The following FBN2 variants were observed in gnomAD, a reference collection of about 807,000 sequenced individuals.
FBN2 encodes the protein fibrillin-2.
Under a neutral mutation model 355.6 loss-of-function variants are expected in FBN2, and 105 were observed. That is an observed-to-expected ratio of 0.30 (90% CI 0.25 to 0.35). The LOEUF is 0.35. Among genes scored for constraint, FBN2 ranks in the 10% least tolerant of loss-of-function variants. The pLI is 1.00. For synonymous variants in FBN2, 1,350 were observed against 1,301.2 expected, an observed-to-expected ratio of 1.04 and a Z score of -0.81; for missense variants, 3,280 against 3,758.7, an observed-to-expected ratio of 0.87 and a Z score of 3.33.
At chr5:128,293,883 A>T (rs993552788) in intron 48 of FBN2, among the ~76,000 whole-genome samples, 2 of 152,116 alleles carry the variant, frequency 1.3e-5, no homozygotes, top group Admixed American at 6.5e-5. Flanking sequence ...CATGTGCACA[A>T]TGTGCAGGTT....
intron 32 of FBN2, among the ~76,000 whole-genome samples, chr5:128,332,157 G>T (rs1750711052): frequency 6.6e-6 from 1 of 152,182 alleles, no homozygotes; most frequent in East Asian, 1.9e-4. Flanking sequence ...AGATCTTAAA[G>T]CTATTCTTTA....
rs1244552746 is a variant in FBN2, at chr5:128,278,980, G to T, written c.7139-139C>A. 1.1e-5 allele frequency: 8 copies of T among 749,436 alleles called. No homozygotes were observed. The Admixed American group carries it at 1.4e-4, about 13-fold the overall frequency. 46.4% of individuals were successfully genotyped at this position (749,436 alleles called of 1,614,324 possible). A position where few individuals can be genotyped will look rare whatever the true frequency, so the allele number is the denominator to read the frequency against. On this transcript the variant is annotated intron_variant, in intron 56 of 64. Coordinates refer to ENST00000262464, the MANE Select transcript of FBN2 (RefSeq NM_001999.4). The stretch of plus-strand genomic sequence containing the variant: ...TTAATGTCTTAATTATTTAAGTTTT[G>T]CTGGCAGTTAAGTTCATAGCATATT...
At chr5:128,462,886 G>T (rs1358244846) in intron 6 of FBN2, among the ~76,000 whole-genome samples, 2 of 151,994 alleles carry the variant, frequency 1.3e-5, no homozygotes, top group Non-Finnish European at 2.9e-5. Flanking sequence ...TAATTCAAAA[G>T]GTATTTGCTG....
chr5:128,375,012 T>C (rs565670780), intron 14 of FBN2, among the ~76,000 whole-genome samples: 2 of 152,218 alleles, frequency 1.3e-5, no homozygotes, highest in Non-Finnish European at 2.9e-5. Flanking sequence ...CATTTAACGC[T>C]AAATAATTCA....
intron 62 of FBN2, 142 bp downstream of exon 62, chr5:128,271,857 C>T (rs1357681535): frequency 1.1e-6 from 1 of 934,814 alleles, no homozygotes; most frequent in Admixed American, 1.8e-5. Context: ...GAATGAGTCC[C>T]CATGCATCAG....
intron 5 of FBN2, among the ~76,000 whole-genome samples, chr5:128,513,619 A>T (rs537246466): frequency 6.6e-6 from 1 of 152,224 alleles, no homozygotes; most frequent in African/African-American, 2.4e-5. Flanking sequence ...TATTTTACAG[A>T]TCTAAACAGC....
intron 8 of FBN2, among the ~76,000 whole-genome samples, chr5:128,401,678 G>A (rs942016412): frequency 3.3e-5 from 5 of 152,048 alleles, no homozygotes; most frequent in African/African-American, 4.8e-5. Context: ...CTACTTGGAA[G>A]GCTGAGGCAG....
intron 5 of FBN2, among the ~76,000 whole-genome samples, chr5:128,507,952 T>C (rs1228657003): frequency 6.6e-6 from 1 of 152,070 alleles, no homozygotes; most frequent in Non-Finnish European, 1.5e-5. Context: ...AGCTATGCTA[T>C]TAAGTGAGAG....
At chr5:128,266,302 T>A (rs1765112383) in intron 62 of FBN2, among the ~76,000 whole-genome samples, 2 of 152,190 alleles carry the variant, frequency 1.3e-5, no homozygotes, top group Admixed American at 6.5e-5. Context: ...TTTAGTAGAA[T>A]AAGCTTACAA....
intron 5 of FBN2, among the ~76,000 whole-genome samples, chr5:128,467,319 A>G (rs1049826680): frequency 1.8e-4 from 28 of 152,228 alleles, no homozygotes; most frequent in African/African-American, 6.3e-4. Flanking sequence ...TTTTGCTTAC[A>G]TTTTACTCCT....
chr5:128,454,688 G>C (rs1754337749), intron 6 of FBN2, among the ~76,000 whole-genome samples: 1 of 152,154 alleles, frequency 6.6e-6, no homozygotes, highest in Non-Finnish European at 1.5e-5. Context: ...TATGTTTCTG[G>C]TGCACTAACG....
intron 62 of FBN2, among the ~76,000 whole-genome samples, chr5:128,264,236 T>G (rs1285302034): frequency 6.6e-6 from 1 of 152,140 alleles, no homozygotes; most frequent in East Asian, 1.9e-4. Context: ...CCCCAGCAAT[T>G]CCCCAAACCT....
chr5:128,349,969 C>A lies in FBN2; in HGVS notation c.2849G>T (p.Gly950Val). The A allele has an allele frequency of 6.2e-7, 1 of 1,613,766 alleles. No homozygotes were observed. The highest frequency in any genetic ancestry group is 8.5e-7 in the Non-Finnish European group (1 of 1,179,624). Residue 950 changes from glycine (G) to valine (V), a missense_variant, in exon 22 of 65, where the codon GGT becomes GTT. Physicochemically the swap from Gly to Val is moderately radical, Grantham distance 109 (BLOSUM62 -3). Around this residue, in one of 6 missense-constraint regions of FBN2, gnomAD observed 2,284 missense variants for 2,749.5 expected, o/e 0.83. Coordinates refer to ENST00000262464, the MANE Select transcript of FBN2 (RefSeq NM_001999.4). ...GATACACTCACCTTCACACGTAACA[C>A]CTTTAATCCTGGCAAGCCCTCTTGG... Reference protein sequence around the residue: ...ACPRGLARIKGVTCEDVNECE... With the variant: ...ACPRGLARIKVVTCEDVNECE...
chr5:128,434,491 G>C (rs1345687038), intron 7 of FBN2, among the ~76,000 whole-genome samples: 4 of 145,942 alleles, frequency 2.7e-5, no homozygotes. Context: ...TTCAAGTTTT[G>C]TTACATTTTT....
chr5:128,495,792 A>G (rs1354462058), intron 5 of FBN2, among the ~76,000 whole-genome samples: 1 of 152,120 alleles, frequency 6.6e-6, no homozygotes, highest in Non-Finnish European at 1.5e-5. Flanking sequence ...CAAATTATTT[A>G]TACTAACATC....
At chr5:128,369,566 A>T (rs1427216546) in intron 15 of FBN2, among the ~76,000 whole-genome samples, 1 of 152,212 alleles carries the variant, frequency 6.6e-6, no homozygotes, top group African/African-American at 2.4e-5. Context: ...AATAAGTTTT[A>T]TGAGCTACAC....
At chr5:128,301,787 CG>C (rs1170459026) in intron 46 of FBN2, among the ~76,000 whole-genome samples, 1 of 152,044 alleles carries the variant, frequency 6.6e-6, no homozygotes, top group African/African-American at 2.4e-5. Flanking sequence ...TCAAGGTTTA[CG>C]GTGAAGCTTT....
At position 128,307,129 on chromosome 5, in the gene FBN2, A is replaced by C. The variant is rs1000499022; in HGVS notation, c.5422+6T>G. 9 of 1,588,034 alleles carry C rather than the reference A, an allele frequency of 5.7e-6. No individual in the cohort carries two copies. The African/African-American group carries it at 1.2e-4, about 21-fold the overall frequency. On this transcript the variant is annotated splice_donor_region_variant and intron_variant, in intron 42 of 64. Transcript: ENST00000262464. ...ATTAAAACAAACATAATCTGGAAAA[A>C]CTCACCAACAGCTTTTCCTGTGTGA...
intron 54 of FBN2, 51 bp downstream of exon 54, chr5:128,287,257 T>C (rs1168356572): frequency 3.1e-6 from 5 of 1,597,174 alleles, no homozygotes; most frequent in Non-Finnish European, 4.3e-6. Flanking sequence ...TTAAGATGTA[T>C]CTCCAGCATG....
Sources: allele counts gnomAD v4.1 joint callset (sites outside exome capture counted in the v4.1 genomes callset), GRCh38; gene constraint gnomAD v4.1.1; regional missense constraint gnomAD v4.1.1; transcripts MANE v1.5; gene names NCBI Gene and HGNC (gene_info 2026-07-23, HGNC 2026-07-21).